Variants in DCAF4 observed in about 807,000 individuals in gnomAD.
The protein encoded by DCAF4 is DDB1- and CUL4-associated factor 4.
Under a neutral mutation model 60.9 loss-of-function variants are expected in DCAF4, and 37 were observed. The observed-to-expected ratio is 0.61, with a 90% CI of 0.47 to 0.80. The LOEUF is 0.80. DCAF4 is among the 30% of genes least tolerant of loss of function. The probability of loss-of-function intolerance (pLI) is 0.00; values close to 1 mark genes in which losing one functional copy is unlikely to be tolerated. For synonymous variants in DCAF4, 243 were observed against 254.8 expected, an observed-to-expected ratio of 0.95 and a Z score of 0.44; for missense variants, 577 against 650.0, an observed-to-expected ratio of 0.89 and a Z score of 1.22.
chr14:72,946,099 G>A, intron 7 of DCAF4, 72 bp downstream of exon 7: 2 of 1,564,214 alleles, frequency 1.3e-6, no homozygotes, highest in Admixed American at 1.7e-5. Context: ...CAGGGTAGAG[G>A]AGAGCAACTG....
intron 12 of DCAF4, 72 bp downstream of exon 12, chr14:72,955,768 C>T: frequency 1.4e-6 from 2 of 1,416,182 alleles, no homozygotes; most frequent in South Asian, 1.3e-5. Flanking sequence ...AAGGGTTCTG[C>T]TGAAGAGGTC....
chr14:72,942,029 A>G (rs2140241431), intron 5 of DCAF4: 4 of 521,598 alleles, frequency 7.7e-6, no homozygotes, highest in Non-Finnish European at 1.4e-5. Context: ...AAGGCGGGGG[A>G]CTCTTGCAGG....
chr14:72,927,422 A>G lies in DCAF4; in HGVS notation c.-9+879A>G, dbSNP rs1469206995. ...GCTGGAGTGCAGTGGCACGATCTCG[A>G]CTCACTGCAGCCTCCGCCCCCGGGG... On this transcript the variant is annotated intron_variant, in intron 1 of 13. Coordinates refer to ENST00000358377, the MANE Select transcript of DCAF4 (RefSeq NM_015604.4). Among the ~76,000 whole-genome samples, 8 of 137,144 alleles carry G rather than the reference A, an allele frequency of 5.8e-5. No individual in the cohort carries two copies. In the East Asian group the frequency reaches 1.1e-3, roughly 18 times the overall value. 90.0% of individuals were successfully genotyped at this position (137,144 alleles called of 152,430 possible).
intron 4 of DCAF4, 114 bp from the exon 5 acceptor site, chr14:72,941,630 CT>C: frequency 1.1e-6 from 1 of 946,414 alleles, no homozygotes; most frequent in Non-Finnish European, 1.6e-6. Context: ...CATATAATTT[CT>C]GCCAATTTAG....
Position 72,943,034 on chromosome 14 carries a change from AAG to A in DCAF4, c.473_474del (p.Lys158SerfsTer17), listed in dbSNP as rs1235904121. On this transcript the variant is annotated frameshift_variant, in exon 6 of 14. Transcript: ENST00000358377. LOFTEE classifies it high-confidence loss of function. ...GCGTCTCAGCTGCATGGAGAGGAAA[AAG>A]GTCCAGATTCGAAGCATGGATCCCT... ...ELRLSCMERK[K>X]VQIRSMDPSA... The A allele has an allele frequency of 5.0e-6, 8 of 1,614,148 alleles. No homozygotes were observed. Among genetic ancestry groups the A allele is most frequent in the Non-Finnish European group, 6.8e-6 (8 of 1,180,020 alleles).
Position 72,951,877 on chromosome 14 carries a change from G to GT in DCAF4, c.808_808+1insT (p.Gly270ValfsTer29), listed in dbSNP as rs754438252. ...ATCACTGTTCGTCAATAGTCACCCA[G>GT]GTACAGGGTTCTCCTCCTTTAAAGA... On this transcript the variant is annotated frameshift_variant and splice_region_variant. Coordinates refer to ENST00000358377, the MANE Select transcript of DCAF4 (RefSeq NM_015604.4). LOFTEE classifies it high-confidence loss of function. 7 of 1,614,146 alleles carry GT rather than the reference G, an allele frequency of 4.3e-6. No individual in the cohort carries two copies. Among genetic ancestry groups the GT allele is most frequent in the Non-Finnish European group, 5.9e-6 (7 of 1,180,024 alleles).
chr14:72,939,851 G>A lies in DCAF4; in HGVS notation c.142G>A (p.Asp48Asn), dbSNP rs1567304328. 3 of 1,613,082 alleles carry A rather than the reference G, an allele frequency of 1.9e-6. No individual in the cohort carries two copies. Among genetic ancestry groups the A allele is most frequent in the Non-Finnish European group, 2.5e-6 (3 of 1,179,586 alleles). Reference protein sequence around the residue: ...QPAHDSGHGDDESPSTSSGTA... With the variant: ...QPAHDSGHGDNESPSTSSGTA... ...CGCTCACGATTCCGGCCACGGTGAT[G>A]ACGAGTCTCCGTCAACCTCGTCTGG... Residue 48 changes from aspartate (D) to asparagine (N), a missense_variant, in exon 3 of 14, where the codon GAC becomes AAC. By Grantham distance (23) the Asp-to-Asn change is conservative. Coordinates refer to ENST00000358377, the MANE Select transcript of DCAF4 (RefSeq NM_015604.4).
At chr14:72,937,095 T>A (rs1889376800) in intron 1 of DCAF4, among the ~76,000 whole-genome samples, 1 of 152,326 alleles carries the variant, frequency 6.6e-6, no homozygotes, top group Middle Eastern at 3.4e-3. Flanking sequence ...GACATTGAAT[T>A]CGTAGATGTA....
intron 8 of DCAF4, 132 bp from the exon 9 acceptor site, chr14:72,951,666 G>A (rs558708250): frequency 1.9e-5 from 14 of 749,686 alleles, no homozygotes; most frequent in African/African-American, 1.2e-4. Flanking sequence ...CAGTGTAAAC[G>A]CATGTTGAAT....
At chr14:72,954,550 T>C (rs1314284628) in intron 11 of DCAF4, 67 bp downstream of exon 11, 1 of 1,448,126 alleles carries the variant, frequency 6.9e-7, no homozygotes, top group African/African-American at 1.4e-5. Flanking sequence ...CAGATTGAAA[T>C]TGGACTCCTC....
chr14:72,949,307 T>C (rs990484353), intron 8 of DCAF4, among the ~76,000 whole-genome samples: 1 of 152,028 alleles, frequency 6.6e-6, no homozygotes, highest in Non-Finnish European at 1.5e-5. Flanking sequence ...TAAAATTCTA[T>C]TAGCTGAGCA....
chr14:72,946,687 C>T (rs1309643805), intron 7 of DCAF4, among the ~76,000 whole-genome samples: 1 of 152,170 alleles, frequency 6.6e-6, no homozygotes, highest in Non-Finnish European at 1.5e-5. Context: ...CAGGCCGCAG[C>T]CAGCACTGAG....
rs374358720 is a variant in DCAF4, at chr14:72,954,988, G to A, written c.1005+505G>A. ...AAGTTAGCCAGGCATAGTGCTGGGCGCCTGTAATCCCAGCTGCTCGAGAGA... is the reference window on the plus strand; with the variant it reads ...AAGTTAGCCAGGCATAGTGCTGGGCACCTGTAATCCCAGCTGCTCGAGAGA... On this transcript the variant is annotated intron_variant, in intron 11 of 13. Transcript: ENST00000358377. Among the ~76,000 whole-genome samples, 9 of 151,910 alleles carry A rather than the reference G, an allele frequency of 5.9e-5. No individual in the cohort carries two copies. In the East Asian group the frequency reaches 1.2e-3, roughly 20 times the overall value.
Position 72,955,684 on chromosome 14 carries a change from CAT to C in DCAF4, c.1168_1169del (p.Met390GlyfsTer24), listed in dbSNP as rs775690983. On this transcript the variant is annotated frameshift_variant, in exon 12 of 14. Transcript: ENST00000358377. LOFTEE classifies it high-confidence loss of function. The part of the protein sequence containing the change: ...QDEQYLMASD[M>X]AGKIKLWDLR... ...ATGAGCAATACCTGATGGCTTCAGA[CAT>C]GGCTGGAAAGGTAGGGGATCATGGA... 2 of 1,613,560 alleles carry C rather than the reference CAT, an allele frequency of 1.2e-6. No homozygotes were observed. The highest frequency in any genetic ancestry group is 4.5e-5 in the East Asian group (2 of 44,862).
At chr14:72,927,371 T>TTTG (rs1567287748) in intron 1 of DCAF4, among the ~76,000 whole-genome samples, 1 of 58,898 alleles carries the variant, frequency 1.7e-5, no homozygotes, top group Admixed American at 1.8e-4. Flanking sequence ...TTTTTTTTTT[T>TTTG]GAGGCGGAGT....
rs924882373 is a variant in DCAF4, at chr14:72,953,820, G to A, written c.809-344G>A. ...TGTGTGTGTGTGTGTGTGTGTGTGTGTGTGTGTGTATATACACACACACTT... is the reference window on the plus strand; with the variant it reads ...TGTGTGTGTGTGTGTGTGTGTGTGTATGTGTGTGTATATACACACACACTT... On this transcript the variant is annotated intron_variant, in intron 9 of 13. Coordinates refer to ENST00000358377, the MANE Select transcript of DCAF4 (RefSeq NM_015604.4). 3.0e-4 allele frequency among the ~76,000 whole-genome samples: 29 copies of A among 97,316 alleles called. 2 individuals carry two copies. The highest frequency in any genetic ancestry group is 1.2e-3 in the African/African-American group (29 of 25,054). The allele number at this position is 97,316 out of a possible 152,430, so 63.8% of individuals were successfully genotyped here. A position where few individuals can be genotyped will look rare whatever the true frequency, so the allele number is the denominator to read the frequency against.
chr14:72,955,253 C>A (rs1016791863), intron 11 of DCAF4, among the ~76,000 whole-genome samples: 1 of 151,984 alleles, frequency 6.6e-6, no homozygotes, highest in Non-Finnish European at 1.5e-5. Context: ...GAGAGAAAGG[C>A]CAAACGGGAC....
chr14:72,957,730 C>G (rs1034096216), intron 13 of DCAF4: 13 of 152,222 alleles, frequency 8.5e-5, no homozygotes, highest in Non-Finnish European at 1.5e-5. Flanking sequence ...GATAGCACTT[C>G]TGGTCTTAGA....
intron 13 of DCAF4, chr14:72,956,717 C>T: frequency 4.2e-6 from 2 of 479,428 alleles, no homozygotes; most frequent in Non-Finnish European, 7.6e-6. Context: ...CAGCCTCATC[C>T]CATGTCAGTG....
Sources: allele counts gnomAD v4.1 joint callset (sites outside exome capture counted in the v4.1 genomes callset), GRCh38; gene constraint gnomAD v4.1.1; transcripts MANE v1.5; gene names NCBI Gene and HGNC (gene_info 2026-07-23, HGNC 2026-07-21).